SMARCA4: variants seen among roughly 807,000 people sequenced by gnomAD.
SMARCA4 encodes the protein SWI/SNF-related matrix-associated actin-dependent regulator of chromatin subfamily A member 4.
SMARCA4 carries 31 observed loss-of-function variants against 193.9 expected under a neutral mutation model. That is an observed-to-expected ratio of 0.16 (90% CI 0.12 to 0.22). The LOEUF (loss-of-function observed/expected upper bound fraction) is 0.22, where lower values mean the gene tolerates loss of function less well. Ranked by LOEUF, SMARCA4 falls within the 10% of genes least tolerant of loss-of-function variation. The pLI, the probability that SMARCA4 is intolerant of heterozygous loss-of-function variation, is 1.00. For missense variants in SMARCA4, 1,148 were observed against 2,296.0 expected (o/e 0.50, Z 10.22); for synonymous variants, 942 against 933.1 (o/e 1.01, Z -0.17).
At chr19:11,046,111 T>C (rs947235726) in intron 30 of SMARCA4, among the ~76,000 whole-genome samples, 3 of 151,624 alleles carry the variant, frequency 2.0e-5, no homozygotes, top group South Asian at 4.2e-4. Context: ...TAGTCCCAGA[T>C]ACTCGAGAGG....
At chr19:11,026,095 G>A (rs1050170911) in intron 22 of SMARCA4, among the ~76,000 whole-genome samples, 3 of 152,220 alleles carry the variant, frequency 2.0e-5, no homozygotes, top group African/African-American at 4.8e-5. Flanking sequence ...CCTTTCCTTC[G>A]TTGGAGGAGT....
At chr19:11,043,132 A>G (rs2075714193) in intron 30 of SMARCA4, among the ~76,000 whole-genome samples, 1 of 152,098 alleles carries the variant, frequency 6.6e-6, no homozygotes, top group Admixed American at 6.5e-5. Flanking sequence ...CTCTACTAAA[A>G]CTACAAAAAT....
rs143683859 is a variant in SMARCA4 at position 11,059,794 on chromosome 19, C to G, written c.4677C>G (p.Ser1559Arg). The change falls in exon 33 of 35, where the codon AGC becomes AGG. Residue 1559 changes from serine to arginine, a missense_variant. Ser to Arg is a moderately radical substitution (Grantham distance 110, BLOSUM62 -1). This residue lies in a region of SMARCA4 where 105 missense variants were observed against 133.7 expected (regional missense o/e 0.79). Coordinates refer to ENST00000344626, the MANE Select transcript of SMARCA4 (RefSeq NM_003072.5). ...DSIVLQSVFT[S>R]VRQKIEKEDD... is the part of the protein sequence containing the mutation. Reference sequence around the variant, plus strand: ...TCGTCTTGCAGTCGGTCTTCACCAGCGTGCGGCAGAAAATCGAGAAGGAGG... The same window carrying G: ...TCGTCTTGCAGTCGGTCTTCACCAGGGTGCGGCAGAAAATCGAGAAGGAGG... 1 of 1,606,156 alleles carries G rather than the reference C, an allele frequency of 6.2e-7. No homozygotes were observed. Among genetic ancestry groups the G allele is most frequent in the Non-Finnish European group, 8.5e-7 (1 of 1,176,320 alleles).
chr19:11,060,283 C>T (rs2147131434), intron 34 of SMARCA4, 96 bp downstream of exon 34: 1 of 1,434,300 alleles, frequency 7.0e-7, no homozygotes, highest in Non-Finnish European at 9.6e-7. Flanking sequence ...CTCCCACGCC[C>T]CCACGCTGCA....
intron 11 of SMARCA4, among the ~76,000 whole-genome samples, chr19:10,998,406 T>G (rs909787446): frequency 1.3e-5 from 2 of 152,152 alleles, no homozygotes; most frequent in Non-Finnish European, 2.9e-5. Flanking sequence ...AGTTACTGTT[T>G]TTTTCTTTTG....
intron 1 of SMARCA4, among the ~76,000 whole-genome samples, chr19:10,970,234 C>T (rs910353656): frequency 1.3e-5 from 2 of 152,062 alleles, no homozygotes; most frequent in African/African-American, 4.8e-5. Flanking sequence ...TGGTTGACCC[C>T]GAGTCGTATC....
intron 16 of SMARCA4, among the ~76,000 whole-genome samples, chr19:11,017,739 G>A (rs1441640726): frequency 2.6e-5 from 4 of 152,240 alleles, no homozygotes; most frequent in East Asian, 3.8e-4. Flanking sequence ...CTGAGTCAGC[G>A]GAAGCACAGG....
rs963235886 is a variant in SMARCA4, at chr19:11,031,257, G to A, written c.3546+364G>A. 1.2e-5 allele frequency: 4 copies of A among 346,408 alleles called. No individual in the cohort carries two copies. The highest frequency in any genetic ancestry group is 6.8e-5 in the East Asian group (1 of 14,724). The allele number at this position is 346,408 out of a possible 1,614,324, so 21.5% of individuals were successfully genotyped here. A position where few individuals can be genotyped will look rare whatever the true frequency, so the allele number is the denominator to read the frequency against. On this transcript the variant is annotated intron_variant, in intron 25 of 34. Transcript: ENST00000344626. The surrounding 1 kb of genome is among the most constrained non-coding windows in gnomAD (Gnocchi z 4.3). ...GTGCCCTGTGAGCACACACACTGGCGCTTGTTCAGACACAATTGGGGGTAA... is the reference window on the plus strand; with the variant it reads ...GTGCCCTGTGAGCACACACACTGGCACTTGTTCAGACACAATTGGGGGTAA...
intron 1 of SMARCA4, among the ~76,000 whole-genome samples, chr19:10,981,550 G>C (rs1416893187): frequency 1.3e-5 from 2 of 152,144 alleles, no homozygotes; most frequent in East Asian, 3.8e-4. Flanking sequence ...TTATGTCAGG[G>C]GCCATCTTTT....
At position 10,986,708 on chromosome 19, in the gene SMARCA4, C is replaced by G; in HGVS notation, c.760+115C>G. On this transcript the variant is annotated intron_variant, in intron 4 of 34. Transcript: ENST00000344626. The surrounding 1 kb of genome is among the most constrained non-coding windows in gnomAD (Gnocchi z 6.7). ...CTGGGTTCCCCGGTTTGGGATTGCA[C>G]GGGCCCATACTGCACTTCTGGGTGC... 1 of 1,444,098 alleles carries G rather than the reference C, an allele frequency of 6.9e-7. No individual in the cohort carries two copies. The allele number at this position is 1,444,098 out of a possible 1,614,324, so 89.5% of individuals were successfully genotyped here.
chr19:10,976,643 G>T (rs915820924), intron 1 of SMARCA4, among the ~76,000 whole-genome samples: 1 of 151,520 alleles, frequency 6.6e-6, no homozygotes, highest in African/African-American at 2.4e-5. Flanking sequence ...TGTAGTCCCA[G>T]CTACTCGGGA....
intron 1 of SMARCA4, among the ~76,000 whole-genome samples, chr19:10,977,309 C>G (rs778240192): frequency 6.6e-6 from 1 of 151,752 alleles, no homozygotes. Context: ...GTTACGGACT[C>G]GAGTTTTTTT....
In SMARCA4 at chr19:11,031,377, A is replaced by G; in HGVS notation, c.3546+484A>G. The G allele has an allele frequency of 5.5e-6, 1 of 183,426 alleles. No homozygotes were observed. Among genetic ancestry groups the G allele is most frequent in the Non-Finnish European group, 1.2e-5 (1 of 85,236 alleles). 11.4% of individuals were successfully genotyped at this position (183,426 alleles called of 1,614,324 possible). A position where few individuals can be genotyped will look rare whatever the true frequency, so the allele number is the denominator to read the frequency against. On this transcript the variant is annotated intron_variant, in intron 25 of 34. Transcript: ENST00000344626. This position sits in a 1 kb window ranked among gnomAD's most constrained non-coding sequence, Gnocchi z 4.3. ...GGTGGATACCAGGTCATGCTGTTAC[A>G]TAGCTACAAGAATTTGAAAATGAGT...
chr19:11,059,388 G>A (rs549707833), intron 32 of SMARCA4, among the ~76,000 whole-genome samples: 2 of 152,290 alleles, frequency 1.3e-5, no homozygotes, highest in Admixed American at 1.3e-4. Context: ...TCAGAAAAAA[G>A]ACTTGACTTT....
At position 10,985,195 on chromosome 19, in the gene SMARCA4, T is replaced by C. The variant is rs764553732; in HGVS notation, c.223-78T>C. ...TGGCTGTTCTCGGTGCCCTCGAGCT[T>C]CTCTCGGGCAGCGCATAGCTGCGCT... On this transcript the variant is annotated intron_variant, in intron 2 of 34. Transcript: ENST00000344626. This position sits in a 1 kb window ranked among gnomAD's most constrained non-coding sequence, Gnocchi z 4.5. 1.6e-4 allele frequency: 237 copies of C among 1,503,440 alleles called. No homozygotes were observed. The highest frequency in any genetic ancestry group is 2.0e-4 in the Non-Finnish European group (221 of 1,081,640). The allele number at this position is 1,503,440 out of a possible 1,614,324, so 93.1% of individuals were successfully genotyped here. A position where few individuals can be genotyped will look rare whatever the true frequency, so the allele number is the denominator to read the frequency against.
chr19:11,004,402 C>T (rs76798418), intron 13 of SMARCA4, among the ~76,000 whole-genome samples: 9,310 of 152,112 alleles, frequency 0.061, 312 homozygotes, highest in South Asian at 0.11. Context: ...GCGCCCGCCA[C>T]CATGCCAGCT....
At chr19:10,972,798 G>A (rs1469865256) in intron 1 of SMARCA4, among the ~76,000 whole-genome samples, 2 of 152,152 alleles carry the variant, frequency 1.3e-5, no homozygotes, top group African/African-American at 4.8e-5. Context: ...TCCATCCAGT[G>A]GGCCTCGGCC....
Position 11,012,996 on chromosome 19 carries a change from C to T in SMARCA4, c.2322C>T (p.Asn774=), listed in dbSNP as rs528157497. Residue 774 remains asparagine (N), a synonymous_variant, in exon 16 of 35, where the codon AAC becomes AAT. Coordinates refer to ENST00000344626, the MANE Select transcript of SMARCA4 (RefSeq NM_003072.5). ...TGTCCCTGTACAACAACAACCTGAA[C>T]GGCATCCTGGCCGACGAGATGGGCC... The part of the protein sequence containing the change: ...WLVSLYNNNL[N]GILADEMGLG... 2.1e-5 allele frequency: 34 copies of T among 1,614,162 alleles called. No individual in the cohort carries two copies. Among genetic ancestry groups the T allele is most frequent in the South Asian group, 1.6e-4 (15 of 91,084 alleles).
Position 10,985,189 on chromosome 19 carries a change from C to T in SMARCA4, c.223-84C>T, listed in dbSNP as rs571227925. On this transcript the variant is annotated intron_variant, in intron 2 of 34. Coordinates refer to ENST00000344626, the MANE Select transcript of SMARCA4 (RefSeq NM_003072.5). The surrounding 1 kb of genome is among the most constrained non-coding windows in gnomAD (Gnocchi z 4.5). ...TTCGGGTGGCTGTTCTCGGTGCCCT[C>T]GAGCTTCTCTCGGGCAGCGCATAGC... 164 of 1,472,414 alleles carry T rather than the reference C, an allele frequency of 1.1e-4. No individual in the cohort carries two copies. The highest frequency in any genetic ancestry group is 5.4e-4 in the South Asian group (47 of 87,798). The allele number at this position is 1,472,414 out of a possible 1,614,324, so 91.2% of individuals were successfully genotyped here. A position where few individuals can be genotyped will look rare whatever the true frequency, so the allele number is the denominator to read the frequency against.
Sources: gnomAD v4.1 joint callset for allele counts (sites outside exome capture counted in the v4.1 genomes callset) on GRCh38, gnomAD v4.1.1 for gene constraint, gnomAD v4.1.1 regional missense constraint, Gnocchi (gnomAD v3.1) non-coding constraint, MANE v1.5 for transcripts, NCBI Gene and HGNC (gene_info 2026-07-23, HGNC 2026-07-21) for gene names.